Variants in NECAB1 observed in about 807,000 individuals in gnomAD.
NECAB1 encodes N-terminal EF-hand calcium binding protein 1.
NECAB1 carries 29 observed loss-of-function variants against 57.5 expected under a neutral mutation model. The observed-to-expected ratio is 0.50, with a 90% CI of 0.38 to 0.69. The LOEUF is 0.69. NECAB1 is among the 30% of genes least tolerant of loss of function. NECAB1 has a pLI of 0.00. For missense variants in NECAB1, 372 were observed against 413.8 expected (o/e 0.90, Z 0.88); for synonymous variants, 142 against 147.7 (o/e 0.96, Z 0.28).
In NECAB1 at chr8:90,958,373, G is replaced by A. The variant is rs1811070005; in HGVS notation, c.*2861G>A. 1 of 151,468 alleles carries A rather than the reference G, an allele frequency of 6.6e-6. No individual in the cohort carries two copies. The allele number at this position is 151,468 out of a possible 1,614,324, so 9.4% of individuals were successfully genotyped here. ...AACTTCAGTTTCATTCACTACCATT[G>A]TTTCCAAATTATCAATCTCTGCTAG... On this transcript the variant is annotated 3_prime_UTR_variant, in exon 13 of 13. Coordinates refer to ENST00000417640, the MANE Select transcript of NECAB1 (RefSeq NM_022351.5).
chr8:90,956,402 C>A lies in NECAB1; in HGVS notation c.*890C>A, dbSNP rs1335180310. The stretch of plus-strand genomic sequence containing the variant: ...AAATGAATAACTAAGAAATATAAAA[C>A]AAGCACAAAATCTTAGGGAAGTCAT... On this transcript the variant is annotated 3_prime_UTR_variant, in exon 13 of 13. Transcript: ENST00000417640. The A allele has an allele frequency of 3.3e-5, 5 of 151,658 alleles. 1 individual carries two copies. In the South Asian group the frequency reaches 1.0e-3, roughly 31 times the overall value. 9.4% of individuals were successfully genotyped at this position (151,658 alleles called of 1,614,324 possible).
intron 9 of NECAB1, among the ~76,000 whole-genome samples, chr8:90,938,892 G>C (rs1810603721): frequency 6.6e-6 from 1 of 152,258 alleles, no homozygotes; most frequent in Non-Finnish European, 1.5e-5. Context: ...TCAACTGGCT[G>C]GTTCTTATGG....
chr8:90,889,709 CCTATGATATAGTAG>C (rs1809106800), intron 5 of NECAB1, among the ~76,000 whole-genome samples: 1 of 152,178 alleles, frequency 6.6e-6, no homozygotes, highest in African/African-American at 2.4e-5. Context: ...TAGGGCTGCT[CCTATGATATAGTAG>C]CTGGCTTTCT....
chr8:90,827,164 G>A (rs1420302668), intron 3 of NECAB1, among the ~76,000 whole-genome samples: 2 of 151,952 alleles, frequency 1.3e-5, no homozygotes, highest in Admixed American at 1.3e-4. Flanking sequence ...TTTAACAAAT[G>A]CACTATATAT....
chr8:90,847,057 A>G (rs1812580021), intron 3 of NECAB1, among the ~76,000 whole-genome samples: 1 of 152,180 alleles, frequency 6.6e-6, no homozygotes, highest in African/African-American at 2.4e-5. Context: ...ATTAATTCAA[A>G]AGCTCAAGTC....
At chr8:90,851,710 T>C (rs1325687254) in intron 3 of NECAB1, among the ~76,000 whole-genome samples, 1 of 152,156 alleles carries the variant, frequency 6.6e-6, no homozygotes, top group Non-Finnish European at 1.5e-5. Context: ...ATGCACATCC[T>C]GCCCCATTAT....
intron 5 of NECAB1, among the ~76,000 whole-genome samples, chr8:90,911,866 A>C (rs1586116591): frequency 6.6e-6 from 1 of 152,204 alleles, no homozygotes; most frequent in East Asian, 1.9e-4. Context: ...TTTATCAAAA[A>C]TTATGAGCTA....
chr8:90,871,807 A>C (rs541260706), intron 3 of NECAB1, among the ~76,000 whole-genome samples: 3 of 152,266 alleles, frequency 2.0e-5, no homozygotes, highest in African/African-American at 7.2e-5. Context: ...GTCATATAGA[A>C]GTTAAATTGC....
intron 5 of NECAB1, among the ~76,000 whole-genome samples, chr8:90,893,953 C>T (rs915733143): frequency 3.3e-5 from 5 of 151,962 alleles, no homozygotes; most frequent in Non-Finnish European, 7.4e-5. Flanking sequence ...ACCTATGACA[C>T]ATCTTTAGTT....
At chr8:90,898,458 C>G (rs904027538) in intron 5 of NECAB1, among the ~76,000 whole-genome samples, 1 of 152,180 alleles carries the variant, frequency 6.6e-6, no homozygotes, top group Non-Finnish European at 1.5e-5. Flanking sequence ...AAAATTAACA[C>G]ATTTGATATT....
chr8:90,893,252 A>T (rs1317574698), intron 5 of NECAB1, among the ~76,000 whole-genome samples: 1 of 151,938 alleles, frequency 6.6e-6, no homozygotes, highest in Non-Finnish European at 1.5e-5. Context: ...GTGGGGGTAG[A>T]GGGGAGATTA....
intron 3 of NECAB1, among the ~76,000 whole-genome samples, chr8:90,829,577 A>T (rs770041697): frequency 6.6e-6 from 1 of 152,006 alleles, no homozygotes; most frequent in Non-Finnish European, 1.5e-5. Flanking sequence ...GGGCCCTCAG[A>T]TGGGAGTCTG....
intron 9 of NECAB1, among the ~76,000 whole-genome samples, chr8:90,938,154 A>T (rs1200051932): frequency 6.6e-6 from 1 of 152,238 alleles, no homozygotes; most frequent in Non-Finnish European, 1.5e-5. Context: ...CTGATGCAAC[A>T]AAATCTCATG....
At chr8:90,875,582 G>A (rs1434814564) in intron 4 of NECAB1, among the ~76,000 whole-genome samples, 1 of 149,252 alleles carries the variant, frequency 6.7e-6, no homozygotes, top group Admixed American at 6.7e-5. Flanking sequence ...TGATCTGAAA[G>A]CCTTTCTGTA....
chr8:90,921,261 C>T (rs967477235), intron 6 of NECAB1, among the ~76,000 whole-genome samples: 26 of 152,124 alleles, frequency 1.7e-4, no homozygotes, highest in African/African-American at 6.0e-4. Context: ...AGGTGATCTA[C>T]CCACCTCAGC....
In NECAB1 at chr8:90,799,157, T is replaced by G. The variant is rs564894114; in HGVS notation, c.100-2534T>G. Among the ~76,000 whole-genome samples, 89 of 152,300 alleles carry G rather than the reference T, an allele frequency of 5.8e-4. 1 individual carries two copies. The South Asian group carries it at 0.018, about 31-fold the overall frequency. ...CCCACTTCTTAATGGGGTTCTTTTT[T>G]GTTTTTTGAAATATAATTTTTACAG... On this transcript the variant is annotated intron_variant, in intron 1 of 12. Coordinates refer to ENST00000417640, the MANE Select transcript of NECAB1 (RefSeq NM_022351.5).
chr8:90,865,151 A>G (rs186575373), intron 3 of NECAB1, among the ~76,000 whole-genome samples: 243 of 152,332 alleles, frequency 1.6e-3, no homozygotes, highest in African/African-American at 5.6e-3. Flanking sequence ...GGTAGAAGAC[A>G]TAAGAAAAAA....
chr8:90,827,110 G>A (rs1445040321), intron 3 of NECAB1, among the ~76,000 whole-genome samples: 2 of 151,992 alleles, frequency 1.3e-5, no homozygotes, highest in African/African-American at 4.8e-5. Flanking sequence ...TATATTTGAA[G>A]CAACTGATAA....
At chr8:90,860,420 C>A (rs1263514415) in intron 3 of NECAB1, among the ~76,000 whole-genome samples, 1 of 151,982 alleles carries the variant, frequency 6.6e-6, no homozygotes, top group Non-Finnish European at 1.5e-5. Flanking sequence ...TTATCCATGT[C>A]TTCAAGAACT....
Sources: gnomAD v4.1 joint callset for allele counts (sites outside exome capture counted in the v4.1 genomes callset) on GRCh38, gnomAD v4.1.1 for gene constraint, MANE v1.5 for transcripts, NCBI Gene and HGNC (gene_info 2026-07-23, HGNC 2026-07-21) for gene names.